CELF2: variants seen among roughly 807,000 people sequenced by gnomAD.
The protein encoded by CELF2 is CUGBP Elav-like family member 2, also known as CUG triplet repeat RNA-binding protein 2.
A neutral mutation model predicts 62.6 loss-of-function variants in CELF2; 8 were observed. The observed-to-expected ratio is 0.13, with a 90% CI of 0.07 to 0.23. The LOEUF (loss-of-function observed/expected upper bound fraction) is 0.23, where lower values mean the gene tolerates loss of function less well. CELF2 is among the 10% of genes least tolerant of loss of function. The pLI is 1.00. For synonymous variants in CELF2, 258 were observed against 250.0 expected (o/e 1.03, Z -0.30); for missense variants, 333 against 671.0 (o/e 0.50, Z 5.56).
the CELF2 span, among the ~76,000 whole-genome samples, chr10:10,735,144 G>T: frequency 3.3e-5 from 5 of 152,132 alleles, no homozygotes; most frequent in African/African-American, 1.2e-4. Flanking sequence ...AAATGAGAAT[G>T]CACCCCATAG....
chr10:10,836,288 A>G (rs1198817991), intron 1 of CELF2, among the ~76,000 whole-genome samples: 1 of 152,214 alleles, frequency 6.6e-6, no homozygotes, highest in Non-Finnish European at 1.5e-5. Flanking sequence ...AAGAACCAGC[A>G]AATAAGAGTA....
the CELF2 span, among the ~76,000 whole-genome samples, chr10:10,582,979 G>T: frequency 6.6e-6 from 1 of 152,196 alleles, no homozygotes; most frequent in African/African-American, 2.4e-5. Context: ...TTTAAGAGGA[G>T]TTGGACAAGC....
chr10:10,748,645 G>A, the CELF2 span, among the ~76,000 whole-genome samples: 3 of 150,912 alleles, frequency 2.0e-5, no homozygotes, highest in Admixed American at 6.7e-5. Flanking sequence ...CTGCTCAGGA[G>A]GCTGAGACAG....
At chr10:11,240,434 A>G (rs1193723365) in intron 3 of CELF2, among the ~76,000 whole-genome samples, 2 of 152,160 alleles carry the variant, frequency 1.3e-5, no homozygotes, top group Admixed American at 6.5e-5. Context: ...TTCCTCTCAC[A>G]CTTCTCAGCG....
chr10:10,596,549 A>G, the CELF2 span, among the ~76,000 whole-genome samples: 1 of 152,188 alleles, frequency 6.6e-6, no homozygotes, highest in Non-Finnish European at 1.5e-5. Flanking sequence ...TAGGAGTAGC[A>G]GACAATTCTG....
intron 4 of CELF2, 139 bp from the exon 5 acceptor site, chr10:11,257,599 C>A (rs776988254): frequency 1.8e-5 from 15 of 839,930 alleles, no homozygotes; most frequent in African/African-American, 8.5e-5. Context: ...AGGAGGACAG[C>A]TGGACGTCTG....
the CELF2 span, among the ~76,000 whole-genome samples, chr10:10,760,879 C>T: frequency 1.1e-4 from 17 of 152,114 alleles, no homozygotes; most frequent in Non-Finnish European, 2.1e-4. Flanking sequence ...ATGATGCCAG[C>T]AAAGGTCGCA....
At chr10:10,799,963 C>T (rs2131483408) in intron 1 of CELF2, among the ~76,000 whole-genome samples, 1 of 152,288 alleles carries the variant, frequency 6.6e-6, no homozygotes, top group South Asian at 2.1e-4. Context: ...GGAGCTAGAC[C>T]AGAACCCAAA....
At chr10:10,811,281 G>T (rs571205569) in intron 1 of CELF2, among the ~76,000 whole-genome samples, 173 of 152,324 alleles carry the variant, frequency 1.1e-3, no homozygotes, top group Non-Finnish European at 2.1e-3. Flanking sequence ...TTGCAGTAGG[G>T]ATGCACTTCC....
chr10:10,486,175 A>C, the CELF2 span, among the ~76,000 whole-genome samples: 1 of 152,178 alleles, frequency 6.6e-6, no homozygotes, highest in East Asian at 1.9e-4. Flanking sequence ...GGTGGTCTTC[A>C]TTCTCAAGCT....
chr10:11,313,242 T>C (rs571097719), intron 9 of CELF2, among the ~76,000 whole-genome samples: 1 of 152,196 alleles, frequency 6.6e-6, no homozygotes, highest in Non-Finnish European at 1.5e-5. Flanking sequence ...AATTTCCAAA[T>C]CTATGCAAGT....
chr10:10,754,669 C>T, the CELF2 span, among the ~76,000 whole-genome samples: 96 of 152,276 alleles, frequency 6.3e-4, no homozygotes, highest in African/African-American at 2.2e-3. Context: ...AGGTTTCAGC[C>T]ATTTTGCCAA....
In CELF2 at chr10:11,117,530, T is replaced by C. The variant is rs575855244; in HGVS notation, c.75-47956T>C. Among the ~76,000 whole-genome samples the C allele has an allele frequency of 6.6e-6, 1 of 152,338 alleles. No individual in the cohort carries two copies. The highest frequency in any genetic ancestry group is 1.5e-5 in the Non-Finnish European group (1 of 68,028). ...CCACTCCTTTAGACCTAGGTCCATC[T>C]TGAGGTGTTGTTATACAGCCTCTTA... On this transcript the variant is annotated intron_variant, in intron 1 of 12. Coordinates refer to ENST00000633077, the MANE Select transcript of CELF2 (RefSeq NM_001326342.2). The surrounding 1 kb of genome is among the most constrained non-coding windows in gnomAD (Gnocchi z 4.1).
rs1645727921 is a variant in CELF2, at chr10:11,237,434, T to G, written c.355-11719T>G. The stretch of plus-strand genomic sequence containing the variant: ...AGGCAGGAGTGTGGCTGGAAGAGTC[T>G]GAGTAGTAGGTCATCCTGGGAAGCA... On this transcript the variant is annotated intron_variant, in intron 3 of 12. Transcript: ENST00000633077. The surrounding 1 kb of genome is among the most constrained non-coding windows in gnomAD (Gnocchi z 4.0). Among the ~76,000 whole-genome samples the G allele has an allele frequency of 6.6e-6, 1 of 152,102 alleles. No homozygotes were observed. The highest frequency in any genetic ancestry group is 1.5e-5 in the Non-Finnish European group (1 of 68,012).
At chr10:11,112,331 A>G (rs553012183) in intron 1 of CELF2, among the ~76,000 whole-genome samples, 3 of 152,390 alleles carry the variant, frequency 2.0e-5, no homozygotes, top group African/African-American at 7.2e-5. Context: ...CGCTAGGGAC[A>G]CATGAAGAAT....
At chr10:10,692,936 AC>A in the CELF2 span, among the ~76,000 whole-genome samples, 9 of 142,692 alleles carry the variant, frequency 6.3e-5, no homozygotes, top group Non-Finnish European at 1.4e-4. Flanking sequence ...TTCTAGATAT[AC>A]AATCAGGTCG....
chr10:10,795,138 G>C (rs932687156), upstream of CELF2, among the ~76,000 whole-genome samples: 1 of 152,044 alleles, frequency 6.6e-6, no homozygotes, highest in African/African-American at 2.4e-5. Context: ...AAGGAAGGGG[G>C]AGGGAGATCA....
intron 1 of CELF2, among the ~76,000 whole-genome samples, chr10:11,096,832 C>A (rs1436361322): frequency 6.6e-6 from 1 of 152,202 alleles, no homozygotes; most frequent in Non-Finnish European, 1.5e-5. Context: ...ACTTTCAAAT[C>A]ACTGTAGCCC....
intron 2 of CELF2, among the ~76,000 whole-genome samples, chr10:10,923,291 A>G (rs538210359): frequency 2.1e-4 from 32 of 152,368 alleles, no homozygotes; most frequent in African/African-American, 7.2e-4. Flanking sequence ...CTGGGAAGGA[A>G]GACGGTGGCA....
Sources: gnomAD v4.1 joint callset for allele counts (sites outside exome capture counted in the v4.1 genomes callset) on GRCh38, gnomAD v4.1.1 for gene constraint, Gnocchi (gnomAD v3.1) non-coding constraint, MANE v1.5 for transcripts, NCBI Gene and HGNC (gene_info 2026-07-23, HGNC 2026-07-21) for gene names.